The following FCRL3 variants were observed in gnomAD, a reference collection of about 807,000 sequenced individuals.
FCRL3 encodes Fc receptor-like protein 3.
FCRL3 carries 89 observed loss-of-function variants against 75.0 expected under a neutral mutation model. The observed-to-expected ratio is 1.19, with a 90% confidence interval of 1.00 to 1.42. FCRL3 has a LOEUF of 1.42. Ranked by LOEUF, FCRL3 falls within the 40% of genes most tolerant of loss-of-function variation. The pLI, the probability that FCRL3 is intolerant of heterozygous loss-of-function variation, is 0.00. For synonymous variants in FCRL3, 376 were observed against 348.5 expected (o/e 1.08, Z -0.88); for missense variants, 946 against 880.0 (o/e 1.07, Z -0.95).
At chr1:157,680,890 T>A (rs1654794351) in intron 12 of FCRL3, 91 bp downstream of exon 12, 7 of 1,449,506 alleles carry the variant, frequency 4.8e-6, no homozygotes, top group South Asian at 3.7e-5. Flanking sequence ...ATGTCATTTT[T>A]AAATTTGTGA....
chr1:157,684,586 T>C (rs1444247783), intron 10 of FCRL3, among the ~76,000 whole-genome samples: 1 of 152,212 alleles, frequency 6.6e-6, no homozygotes, highest in African/African-American at 2.4e-5. Flanking sequence ...GACAGGTGGC[T>C]ATTTATTATA....
intron 6 of FCRL3, 21 bp from the exon 7 acceptor site, chr1:157,696,348 A>G: frequency 6.2e-7 from 1 of 1,612,102 alleles, no homozygotes. Context: ...ACAAGATGGC[A>G]TGTGAAGGTC....
Position 157,700,646 on chromosome 1 carries a change from A to G in FCRL3, c.-97+16T>C. On this transcript the variant is annotated intron_variant, in intron 1 of 14. Coordinates refer to ENST00000368184, the MANE Select transcript of FCRL3 (RefSeq NM_052939.4). Reference sequence around the variant, plus strand: ...TCATATTTTGCTTTGGGCTCTGAAAATGTGAATGTGGCTACCTTCCTAAAT... The same window carrying G: ...TCATATTTTGCTTTGGGCTCTGAAAGTGTGAATGTGGCTACCTTCCTAAAT... The G allele has an allele frequency of 6.7e-7, 1 of 1,486,340 alleles. No homozygotes were observed. Among genetic ancestry groups the G allele is most frequent in the Non-Finnish European group, 9.0e-7 (1 of 1,114,144 alleles). The allele number at this position is 1,486,340 out of a possible 1,614,324, so 92.1% of individuals were successfully genotyped here.
chr1:157,695,726 G>T, intron 7 of FCRL3, 119 bp from the exon 8 acceptor site: 2 of 1,200,758 alleles, frequency 1.7e-6, no homozygotes, highest in Non-Finnish European at 2.3e-6. Flanking sequence ...TTTCCCCACT[G>T]ATCACATTTT....
rs1398428196 is a variant in FCRL3 at position 157,678,102 on chromosome 1, GTCTT to G, written c.*604_*607del. 1.0e-6 allele frequency: 1 copy of G among 985,920 alleles called. No individual in the cohort carries two copies. Among genetic ancestry groups the G allele is most frequent in the Non-Finnish European group, 1.2e-6 (1 of 830,462 alleles). The allele number at this position is 985,920 out of a possible 1,614,324, so 61.1% of individuals were successfully genotyped here. ...ACAAGTCACATATTAAACTAGCAGA[GTCTT>G]TAATGAAATGCTGAAGTTATTTTTC... is the stretch of plus-strand genomic sequence containing the variant. On this transcript the variant is annotated 3_prime_UTR_variant, in exon 15 of 15. Coordinates refer to ENST00000368184, the MANE Select transcript of FCRL3 (RefSeq NM_052939.4).
chr1:157,700,910 G>C (rs907357123), upstream of FCRL3: 6 of 234,598 alleles, frequency 2.6e-5, no homozygotes, highest in African/African-American at 1.4e-4. Context: ...ATGTAGGCAA[G>C]CTTAATGAGC....
intron 10 of FCRL3, among the ~76,000 whole-genome samples, chr1:157,689,063 G>C (rs1055396079): frequency 6.6e-6 from 1 of 152,184 alleles, no homozygotes; most frequent in East Asian, 1.9e-4. Context: ...ATCTGTAATG[G>C]GGAGAGATTG....
intron 10 of FCRL3, among the ~76,000 whole-genome samples, chr1:157,686,458 CA>C (rs1172272191): frequency 6.6e-6 from 1 of 152,024 alleles, no homozygotes; most frequent in South Asian, 2.1e-4. Context: ...CATATGGAAC[CA>C]AAAAAGAGCC....
intron 10 of FCRL3, among the ~76,000 whole-genome samples, chr1:157,689,351 T>C (rs557571604): frequency 1.6e-4 from 25 of 152,248 alleles, no homozygotes; most frequent in Non-Finnish European, 3.1e-4. Context: ...GTTGTGTTTC[T>C]ATACACTAGC....
Position 157,695,315 on chromosome 1 carries a change from T to C in FCRL3, c.1411+14A>G. 1 of 1,608,098 alleles carries C rather than the reference T, an allele frequency of 6.2e-7. No homozygotes were observed. Among genetic ancestry groups the C allele is most frequent in the Non-Finnish European group, 8.5e-7 (1 of 1,176,638 alleles). ...TGTATTGGCTGTTAACTGCTGTGGG[T>C]ATATCTTGCTTACCTGTGACCCTGA... On this transcript the variant is annotated intron_variant, in intron 8 of 14. Transcript: ENST00000368184.
At chr1:157,682,114 T>C (rs1284326404) in intron 11 of FCRL3, among the ~76,000 whole-genome samples, 1 of 152,242 alleles carries the variant, frequency 6.6e-6, no homozygotes, top group Non-Finnish European at 1.5e-5. Flanking sequence ...TGTAAATTTG[T>C]TTGAGTTCAT....
At chr1:157,691,035 G>GTATGTATGTATGTATGTATC (rs1445038353) in intron 8 of FCRL3, among the ~76,000 whole-genome samples, 5 of 151,546 alleles carry the variant, frequency 3.3e-5, no homozygotes, top group African/African-American at 9.7e-5. Flanking sequence ...ATGTATGTAT[G>GTATGTATGTATGTATGTATC]TATCTATCTA....
rs529726252 is a variant in FCRL3, at chr1:157,677,994, T to C, written c.*716A>G. ...ACTGACTGACTAGAAATCTATCATG[T>C]ATGGCAAATGATGAGACTATGTCAT... On this transcript the variant is annotated 3_prime_UTR_variant, in exon 15 of 15. Coordinates refer to ENST00000368184, the MANE Select transcript of FCRL3 (RefSeq NM_052939.4). The C allele has an allele frequency of 2.1e-3, 2,094 of 985,352 alleles. 7 individuals carry two copies. The highest frequency in any genetic ancestry group is 3.6e-3 in the Admixed American group (59 of 16,280). The allele number at this position is 985,352 out of a possible 1,614,324, so 61.0% of individuals were successfully genotyped here. A position where few individuals can be genotyped will look rare whatever the true frequency, so the allele number is the denominator to read the frequency against.
At position 157,690,327 on chromosome 1, in the gene FCRL3, C is replaced by T. The variant is rs1462120181; in HGVS notation, c.1618G>A (p.Gly540Arg). 1.2e-6 allele frequency: 2 copies of T among 1,614,220 alleles called. No individual in the cohort carries two copies. The highest frequency in any genetic ancestry group is 1.7e-5 in the Admixed American group (1 of 60,030). The change falls in exon 9 of 15, where the codon GGA becomes AGA. Residue 540 changes from glycine to arginine, a missense_variant. Gly to Arg is a moderately radical substitution (Grantham distance 125). Coordinates refer to ENST00000368184, the MANE Select transcript of FCRL3 (RefSeq NM_052939.4). ...FNLSLTTEHSGNYSCEADNGL... is the reference protein window; with the variant it reads ...FNLSLTTEHSRNYSCEADNGL... ...TTGTCAGCCTCACATGAGTAGTTTC[C>T]AGAATGTTCTGTAGTCAGAGAGAGG...
rs767160539 is a variant in FCRL3 at position 157,690,521 on chromosome 1, C to A, written c.1424G>T (p.Arg475Leu). 10 of 1,613,856 alleles carry A rather than the reference C, an allele frequency of 6.2e-6. No individual in the cohort carries two copies. The highest frequency in any genetic ancestry group is 5.0e-5 in the Admixed American group (3 of 59,978). ...GGGAGCCCTGAGGGTGAGGACGGGG[C>A]GAGACACCGGAACTGAGGGAGGAAA... ...VSLRVTVPVS[R>L]PVLTLRAPGA... Residue 475 changes from arginine (R) to leucine (L), a missense_variant, in exon 9 of 15, where the codon CGC (arginine) becomes CTC (leucine). Coordinates refer to ENST00000368184, the MANE Select transcript of FCRL3 (RefSeq NM_052939.4).
chr1:157,695,966 A>C, intron 7 of FCRL3, 74 bp downstream of exon 7: 2 of 877,348 alleles, frequency 2.3e-6, no homozygotes, highest in African/African-American at 2.2e-5. Flanking sequence ...CTCTTTTAGG[A>C]GACCTTAGTG....
Position 157,689,909 on chromosome 1 carries a change from T to C in FCRL3, c.1699A>G (p.Arg567Gly), listed in dbSNP as rs777497834. Reference protein sequence around the residue: ...VVTLNVTGTSRNRTGLTAAGI... With the variant: ...VVTLNVTGTSGNRTGLTAAGI... Reference sequence around the variant, plus strand: ...GCAGCGGTAAGGCCTGTTCTGTTCCTGGAAGTTCCTGAGTGGAGGGAGCTG... The same window carrying C: ...GCAGCGGTAAGGCCTGTTCTGTTCCCGGAAGTTCCTGAGTGGAGGGAGCTG... The change falls in exon 10 of 15, where the codon AGG (arginine) becomes GGG (glycine). Residue 567 changes from arginine to glycine, a missense_variant. Physicochemically the swap from Arg to Gly is moderately radical, Grantham distance 125. Transcript: ENST00000368184. 1.9e-6 allele frequency: 3 copies of C among 1,614,060 alleles called. No individual in the cohort carries two copies. In the African/African-American group the frequency reaches 4.0e-5, roughly 22 times the overall value.
chr1:157,683,103 G>T, intron 11 of FCRL3, 114 bp downstream of exon 11: 1 of 1,181,992 alleles, frequency 8.5e-7, no homozygotes, highest in Non-Finnish European at 1.2e-6. Context: ...TATTTTGTAA[G>T]AACGTAAAAA....
chr1:157,689,863 AGC>A lies in FCRL3; in HGVS notation c.1743_1744del (p.Leu582GlnfsTer31). The A allele has an allele frequency of 6.2e-7, 1 of 1,614,176 alleles. No homozygotes were observed. ...AGCAGCAGCAAGGACGAGGATGCTG[AGC>A]ACCAGCCCCGTGATTCCCGCAGCGG... On this transcript the variant is annotated frameshift_variant, in exon 10 of 15. Transcript: ENST00000368184. LOFTEE classifies it high-confidence loss of function.
Sources: gnomAD v4.1 joint callset for allele counts (sites outside exome capture counted in the v4.1 genomes callset) on GRCh38, gnomAD v4.1.1 for gene constraint, MANE v1.5 for transcripts, NCBI Gene and HGNC (gene_info 2026-07-23, HGNC 2026-07-21) for gene names.